The following DLG2 variants were observed in gnomAD, a reference collection of about 807,000 sequenced individuals.
The protein encoded by DLG2 is discs large MAGUK scaffold protein 2.
Under a neutral mutation model 132.5 loss-of-function variants are expected in DLG2, and 45 were observed. That is an observed-to-expected ratio of 0.34 (90% CI 0.27 to 0.44). DLG2 has a LOEUF of 0.44. Ranked by LOEUF, DLG2 falls within the 20% of genes least tolerant of loss-of-function variation. The probability of loss-of-function intolerance (pLI) is 1.00; values close to 1 mark genes in which losing one functional copy is unlikely to be tolerated. For missense variants in DLG2, 1,045 were observed against 1,196.9 expected, an observed-to-expected ratio of 0.87 and a Z score of 1.87; for synonymous variants, 424 against 419.6, an observed-to-expected ratio of 1.01 and a Z score of -0.13.
chr11:83,757,984 C>T (rs1043087981), intron 18 of DLG2, among the ~76,000 whole-genome samples: 4 of 152,158 alleles, frequency 2.6e-5, no homozygotes, highest in Non-Finnish European at 4.4e-5. Flanking sequence ...CATCTGTGTC[C>T]ACCAACTATA....
Position 83,809,855 on chromosome 11 carries a change from T to C in DLG2, c.1723-23063A>G, listed in dbSNP as rs371028458. 3.3e-5 allele frequency among the ~76,000 whole-genome samples: 5 copies of C among 152,210 alleles called. No homozygotes were observed. The East Asian group carries it at 9.7e-4, about 29-fold the overall frequency. On this transcript the variant is annotated intron_variant, in intron 17 of 27. Coordinates refer to ENST00000376104, the MANE Select transcript of DLG2 (RefSeq NM_001142699.3). ...TTTGGAGATGTGAAAACCATGAATA[T>C]TATATTAGAAGACAGATGCATGCAT...
At chr11:83,796,850 T>C (rs556103999) in intron 17 of DLG2, among the ~76,000 whole-genome samples, 1 of 152,338 alleles carries the variant, frequency 6.6e-6, no homozygotes, top group East Asian at 1.9e-4. Flanking sequence ...AATGTGCTGT[T>C]CATTGCAGGA....
chr11:85,200,136 G>A (rs956765954), intron 4 of DLG2, among the ~76,000 whole-genome samples: 2 of 152,050 alleles, frequency 1.3e-5, no homozygotes, highest in African/African-American at 4.8e-5. Flanking sequence ...ACACCTAGGG[G>A]GGTCATTTCG....
chr11:84,488,306 A>G (rs2099155969), intron 7 of DLG2, among the ~76,000 whole-genome samples: 1 of 152,176 alleles, frequency 6.6e-6, no homozygotes, highest in African/African-American at 2.4e-5. Flanking sequence ...TTCACTGGAA[A>G]GGAATCCTGG....
intron 6 of DLG2, among the ~76,000 whole-genome samples, chr11:85,030,939 T>C (rs111995025): frequency 0.01 from 1,542 of 152,144 alleles, 23 homozygotes; most frequent in African/African-American, 0.035. Flanking sequence ...CATAAGTTTC[T>C]TTTTTAAAAT....
intron 7 of DLG2, among the ~76,000 whole-genome samples, chr11:84,269,592 A>T (rs934515912): frequency 1.3e-5 from 2 of 152,360 alleles, no homozygotes; most frequent in South Asian, 2.1e-4. Flanking sequence ...AATTCCAATT[A>T]GGGGTTCTCC....
intron 6 of DLG2, among the ~76,000 whole-genome samples, chr11:84,672,418 T>A (rs2099706903): frequency 1.3e-5 from 2 of 152,096 alleles, no homozygotes. Context: ...GGTAGATAAA[T>A]TTAAAATAAA....
At chr11:84,951,154 C>T (rs371174564) in intron 6 of DLG2, among the ~76,000 whole-genome samples, 1 of 152,202 alleles carries the variant, frequency 6.6e-6, no homozygotes, top group South Asian at 2.1e-4. Flanking sequence ...ACTTTAAAAA[C>T]TGTGCTTCTA....
At chr11:84,473,768 G>C (rs975497511) in intron 7 of DLG2, among the ~76,000 whole-genome samples, 1 of 151,984 alleles carries the variant, frequency 6.6e-6, no homozygotes, top group Non-Finnish European at 1.5e-5. Flanking sequence ...CTTTAAGTCA[G>C]AGTAAAAGAA....
intron 19 of DLG2, among the ~76,000 whole-genome samples, chr11:83,607,134 G>T (rs1566027774): frequency 6.6e-6 from 1 of 152,138 alleles, no homozygotes; most frequent in Non-Finnish European, 1.5e-5. Context: ...GTAACAGCTG[G>T]ATTGGTTACA....
intron 7 of DLG2, among the ~76,000 whole-genome samples, chr11:84,390,238 T>C (rs1601260645): frequency 6.6e-6 from 1 of 152,186 alleles, no homozygotes; most frequent in African/African-American, 2.4e-5. Context: ...CAAGGAATAC[T>C]ACGGTAACAT....
chr11:83,961,824 T>C (rs978961675), intron 14 of DLG2, among the ~76,000 whole-genome samples: 1 of 152,080 alleles, frequency 6.6e-6, no homozygotes, highest in African/African-American at 2.4e-5. Context: ...ATTAAGAGCA[T>C]AGAGATCAGA....
chr11:85,035,014 TATG>T (rs1361878800), intron 6 of DLG2, among the ~76,000 whole-genome samples: 5 of 152,204 alleles, frequency 3.3e-5, no homozygotes, highest in South Asian at 2.1e-4. Context: ...ACTCTTTTGA[TATG>T]ATATTTTCTT....
intron 6 of DLG2, among the ~76,000 whole-genome samples, chr11:84,623,567 T>C (rs1201989806): frequency 6.6e-6 from 1 of 152,224 alleles, no homozygotes; most frequent in East Asian, 1.9e-4. Context: ...GACTTAGTGT[T>C]AATTATGGAT....
intron 19 of DLG2, among the ~76,000 whole-genome samples, chr11:83,589,586 C>T (rs1325970819): frequency 4.1e-5 from 6 of 146,694 alleles, no homozygotes; most frequent in East Asian, 2.0e-4. Flanking sequence ...CATCAACTAA[C>T]GAGCAAAATC....
chr11:85,575,165 AT>A (rs1436029048), intron 3 of DLG2, among the ~76,000 whole-genome samples: 1 of 151,708 alleles, frequency 6.6e-6, no homozygotes, highest in Non-Finnish European at 1.5e-5. Context: ...AAAAAAAAAA[AT>A]CTTTATAATG....
At chr11:85,504,802 A>G (rs547463094) in intron 3 of DLG2, among the ~76,000 whole-genome samples, 2 of 152,122 alleles carry the variant, frequency 1.3e-5, no homozygotes, top group South Asian at 2.1e-4. Flanking sequence ...ATTACCTTGG[A>G]CAGTATGGCC....
chr11:83,926,211 C>T (rs990479597), intron 15 of DLG2, among the ~76,000 whole-genome samples: 3 of 152,194 alleles, frequency 2.0e-5, no homozygotes, highest in Non-Finnish European at 2.9e-5. Context: ...GGTATTCCCA[C>T]TGAAGCTCAG....
intron 11 of DLG2, among the ~76,000 whole-genome samples, chr11:84,038,435 A>G (rs1263744826): frequency 6.6e-6 from 1 of 152,098 alleles, no homozygotes; most frequent in Non-Finnish European, 1.5e-5. Flanking sequence ...GTAAATCAAA[A>G]CCACAATTAG....
Sources: gnomAD v4.1 joint callset for allele counts (sites outside exome capture counted in the v4.1 genomes callset) on GRCh38, gnomAD v4.1.1 for gene constraint, MANE v1.5 for transcripts, NCBI Gene and HGNC (gene_info 2026-07-23, HGNC 2026-07-21) for gene names.